The following CNTNAP2 variants were observed in gnomAD, a reference collection of about 807,000 sequenced individuals.
CNTNAP2 encodes contactin associated protein 2.
A neutral mutation model predicts 155.2 loss-of-function variants in CNTNAP2; 98 were observed. The observed-to-expected ratio is 0.63, with a 90% confidence interval of 0.54 to 0.75. The LOEUF (loss-of-function observed/expected upper bound fraction) is 0.75, where lower values mean the gene tolerates loss of function less well. Ranked by LOEUF, CNTNAP2 falls within the 30% of genes least tolerant of loss-of-function variation. The probability of loss-of-function intolerance (pLI) is 0.00; values close to 1 mark genes in which losing one functional copy is unlikely to be tolerated. For missense variants in CNTNAP2, 1,727 were observed against 1,688.1 expected (o/e 1.02, Z -0.40); for synonymous variants, 651 against 631.2 (o/e 1.03, Z -0.47).
chr7:146,914,156 A>T (rs1186907326), intron 3 of CNTNAP2, among the ~76,000 whole-genome samples: 11 of 151,974 alleles, frequency 7.2e-5, no homozygotes, highest in Non-Finnish European at 1.2e-4. Context: ...AGTCGTATTC[A>T]TATATATATG....
At chr7:148,189,110 T>C (rs1795164346) in intron 18 of CNTNAP2, among the ~76,000 whole-genome samples, 1 of 152,362 alleles carries the variant, frequency 6.6e-6, no homozygotes, top group African/African-American at 2.4e-5. Flanking sequence ...TAAGATTTTC[T>C]AAACACAGTG....
In CNTNAP2 at chr7:148,283,304, A is replaced by AAAGGAAGGAAGG. The variant is rs142651719; in HGVS notation, c.3475+16185_3475+16196dup. Among the ~76,000 whole-genome samples the AAAGGAAGGAAGG allele has an allele frequency of 4.6e-4, 41 of 89,426 alleles. 1 individual carries two copies. Among genetic ancestry groups the AAAGGAAGGAAGG allele is most frequent in the African/African-American group, 2.3e-3 (40 of 17,182 alleles). 58.7% of individuals were successfully genotyped at this position (89,426 alleles called of 152,430 possible). A position where few individuals can be genotyped will look rare whatever the true frequency, so the allele number is the denominator to read the frequency against. On this transcript the variant is annotated intron_variant, in intron 21 of 23. Coordinates refer to ENST00000361727, the MANE Select transcript of CNTNAP2 (RefSeq NM_014141.6). ...GAAAGAAAGAAAGAAAGAAAGAAAG[A>AAAGGAAGGAAGG]AAGGAAGGAAGGAAGGAAAGAAAGA... is the stretch of plus-strand genomic sequence containing the variant.
At chr7:146,412,587 C>A (rs1795881687) in intron 1 of CNTNAP2, among the ~76,000 whole-genome samples, 1 of 152,198 alleles carries the variant, frequency 6.6e-6, no homozygotes, top group African/African-American at 2.4e-5. Context: ...ATGTAGCATT[C>A]TTGCCTCCAT....
At chr7:146,529,174 C>CTA (rs879297821) in intron 1 of CNTNAP2, among the ~76,000 whole-genome samples, 4 of 152,100 alleles carry the variant, frequency 2.6e-5, no homozygotes, top group Non-Finnish European at 4.4e-5. Flanking sequence ...CCAGCACAGT[C>CTA]TATAGCATGT....
intron 13 of CNTNAP2, among the ~76,000 whole-genome samples, chr7:147,646,474 T>TA (rs1230676133): frequency 6.6e-6 from 1 of 152,218 alleles, no homozygotes; most frequent in Non-Finnish European, 1.5e-5. Context: ...ACAACTAAAA[T>TA]AAAATGGAAG....
At chr7:146,759,711 A>G (rs61327056) in intron 1 of CNTNAP2, among the ~76,000 whole-genome samples, 832 of 60,216 alleles carry the variant, frequency 0.014, no homozygotes, top group Middle Eastern at 0.032. Flanking sequence ...AAAAAAAAAA[A>G]GGTGGGTGGG....
intron 9 of CNTNAP2, among the ~76,000 whole-genome samples, chr7:147,370,676 C>T (rs1015690957): frequency 1.3e-5 from 2 of 152,082 alleles, no homozygotes; most frequent in African/African-American, 2.4e-5. Context: ...TATATAGATA[C>T]ATAATAACCC....
Position 146,431,906 on chromosome 7 carries a change from A to T in CNTNAP2, c.97+314933A>T, listed in dbSNP as rs535031070. ...AAAATAGCTTTCGTATGATCTGAGA[A>T]ATATTCTTACATCAAATACATTTGT... On this transcript the variant is annotated intron_variant, in intron 1 of 23. Transcript: ENST00000361727. 3.3e-5 allele frequency among the ~76,000 whole-genome samples: 5 copies of T among 152,204 alleles called. No homozygotes were observed. The South Asian group carries it at 1.0e-3, about 32-fold the overall frequency.
intron 13 of CNTNAP2, among the ~76,000 whole-genome samples, chr7:147,834,178 A>T (rs1798598436): frequency 6.6e-6 from 1 of 152,200 alleles, no homozygotes. Context: ...GTAGTGCAAG[A>T]ATAATGATTT....
chr7:146,172,676 G>A (rs1158546214), intron 1 of CNTNAP2, among the ~76,000 whole-genome samples: 1 of 152,036 alleles, frequency 6.6e-6, no homozygotes, highest in African/African-American at 2.4e-5. Flanking sequence ...TCATTTCTGT[G>A]TGGATAACTG....
At chr7:146,265,691 C>G (rs1799984292) in intron 1 of CNTNAP2, among the ~76,000 whole-genome samples, 2 of 152,224 alleles carry the variant, frequency 1.3e-5, no homozygotes, top group South Asian at 4.2e-4. Context: ...AACTCTTGAG[C>G]TTAAGTGATT....
In CNTNAP2 at chr7:148,039,994, C is replaced by T. The variant is rs1802640593; in HGVS notation, c.2383+62005C>T. On this transcript the variant is annotated intron_variant, in intron 15 of 23. Transcript: ENST00000361727. ...GGCAGCTTTGTTCCTTGGGCATAAA[C>T]AAAACTATCCCTTCTCTCTCTAAAT... 2.0e-5 allele frequency among the ~76,000 whole-genome samples: 3 copies of T among 152,206 alleles called. No individual in the cohort carries two copies. In the South Asian group the frequency reaches 6.2e-4, roughly 31 times the overall value.
intron 12 of CNTNAP2, among the ~76,000 whole-genome samples, chr7:147,627,735 G>T (rs1795011936): frequency 1.3e-5 from 2 of 149,220 alleles, no homozygotes; most frequent in South Asian, 4.3e-4. Context: ...CAAAATACAG[G>T]ATATGGATGA....
intron 3 of CNTNAP2, among the ~76,000 whole-genome samples, chr7:147,033,173 T>TATATAC (rs1799073077): frequency 2.1e-5 from 1 of 47,030 alleles, no homozygotes; most frequent in Non-Finnish European, 4.5e-5. Context: ...TATATATATA[T>TATATAC]ATATATATAT....
Position 146,839,723 on chromosome 7 carries a change from G to A in CNTNAP2, c.221G>A (p.Trp74Ter), listed in dbSNP as rs1803682198. 1 of 1,614,046 alleles carries A rather than the reference G, an allele frequency of 6.2e-7. No individual in the cohort carries two copies. ...KINKRGGAGG[W>*]SPSDSDHYQW... ...TGCCCATCTTCAGGTGCTGGGGGAT[G>A]GTCTCCATCAGACAGCGACCATTAT... The change falls in exon 3 of 24, where the codon TGG becomes TAG. Residue 74 changes from tryptophan (W) to a stop codon, truncating the protein, a stop_gained. Coordinates refer to ENST00000361727, the MANE Select transcript of CNTNAP2 (RefSeq NM_014141.6). LOFTEE classifies it high-confidence loss of function.
rs535094093 is a variant in CNTNAP2, at chr7:146,881,875, T to G, written c.402+41971T>G. 3.3e-5 allele frequency among the ~76,000 whole-genome samples: 5 copies of G among 151,884 alleles called. No individual in the cohort carries two copies. In the East Asian group the frequency reaches 9.7e-4, roughly 29 times the overall value. ...AGCTTTGCTACAAAGGTATATTGCA[T>G]GGTGCTGAGGTTTGAAGCACAAATA... On this transcript the variant is annotated intron_variant, in intron 3 of 23. Coordinates refer to ENST00000361727, the MANE Select transcript of CNTNAP2 (RefSeq NM_014141.6).
At position 148,415,850 on chromosome 7, in the gene CNTNAP2, A is replaced by AAAAAATGCTTTTAGAGTTT; in HGVS notation, c.*237_*255dup. 1 of 593,848 alleles carries AAAAAATGCTTTTAGAGTTT rather than the reference A, an allele frequency of 1.7e-6. No individual in the cohort carries two copies. The highest frequency in any genetic ancestry group is 3.0e-6 in the Non-Finnish European group (1 of 338,316). The allele number at this position is 593,848 out of a possible 1,614,324, so 36.8% of individuals were successfully genotyped here. On this transcript the variant is annotated 3_prime_UTR_variant, in exon 24 of 24. Coordinates refer to ENST00000361727, the MANE Select transcript of CNTNAP2 (RefSeq NM_014141.6). ...CTTCTGTATCAAAACAAAATAATAC[A>AAAAAATGCTTTTAGAGTTT]AAAAATGCTTTTAGAGTTTAAGCAA...
At chr7:147,089,487 A>G (rs1253459722) in intron 4 of CNTNAP2, among the ~76,000 whole-genome samples, 1 of 152,018 alleles carries the variant, frequency 6.6e-6, no homozygotes, top group Non-Finnish European at 1.5e-5. Flanking sequence ...TTTTTACTTG[A>G]TTTAGCTAAT....
chr7:147,704,057 A>G (rs1480221668), intron 13 of CNTNAP2, among the ~76,000 whole-genome samples: 2 of 152,116 alleles, frequency 1.3e-5, no homozygotes, highest in African/African-American at 4.8e-5. Flanking sequence ...TTATTGCCAA[A>G]TATTAGGTTG....
Sources: allele counts gnomAD v4.1 joint callset (sites outside exome capture counted in the v4.1 genomes callset), GRCh38; gene constraint gnomAD v4.1.1; transcripts MANE v1.5; gene names NCBI Gene and HGNC (gene_info 2026-07-23, HGNC 2026-07-21).